LRRC4C: variants seen among roughly 807,000 people sequenced by gnomAD.
The protein encoded by LRRC4C is leucine rich repeat containing 4C.
In LRRC4C, 5 loss-of-function variants were observed where a neutral mutation model predicts 33.6. The ratio of observed to expected loss-of-function variants is 0.15; its 90% confidence interval spans 0.08 to 0.31. The LOEUF (loss-of-function observed/expected upper bound fraction) is 0.31. LRRC4C is among the 10% of genes least tolerant of loss of function. The pLI is 1.00. For missense variants in LRRC4C, 560 were observed against 796.7 expected, an observed-to-expected ratio of 0.70 and a Z score of 3.58; for synonymous variants, 329 against 302.0, an observed-to-expected ratio of 1.09 and a Z score of -0.93.
At chr11:40,154,727 A>C (rs975565105) in intron 5 of LRRC4C, among the ~76,000 whole-genome samples, 1 of 152,188 alleles carries the variant, frequency 6.6e-6, no homozygotes, top group Admixed American at 6.5e-5. Context: ...AAACCTAAGA[A>C]ATGAGATAGA....
At chr11:40,993,182 C>T (rs1243112773) in intron 1 of LRRC4C, among the ~76,000 whole-genome samples, 2 of 152,120 alleles carry the variant, frequency 1.3e-5, no homozygotes, top group Non-Finnish European at 2.9e-5. Flanking sequence ...TGTACTGCAG[C>T]ATCATCTTAA....
At chr11:40,392,470 A>C (rs973074601) in intron 3 of LRRC4C, among the ~76,000 whole-genome samples, 10 of 152,092 alleles carry the variant, frequency 6.6e-5, no homozygotes, top group Admixed American at 5.9e-4. Context: ...ATTTTCTGTA[A>C]ACTTAAAATT....
At chr11:40,659,534 C>A (rs1443011726) in intron 2 of LRRC4C, among the ~76,000 whole-genome samples, 1 of 152,132 alleles carries the variant, frequency 6.6e-6, no homozygotes, top group Non-Finnish European at 1.5e-5. Flanking sequence ...GCATGCACTT[C>A]CTCCCTTGTG....
chr11:40,979,426 T>C (rs965068513), intron 1 of LRRC4C, among the ~76,000 whole-genome samples: 10 of 152,182 alleles, frequency 6.6e-5, no homozygotes, highest in Non-Finnish European at 1.3e-4. Context: ...GACTACAAAA[T>C]TTTGGTAAAC....
intron 3 of LRRC4C, among the ~76,000 whole-genome samples, chr11:40,395,976 ACT>A (rs1054828591): frequency 1.6e-4 from 25 of 152,056 alleles, no homozygotes; most frequent in Admixed American, 1.1e-3. Context: ...ACAGAGTGAG[ACT>A]CTGTCACAAA....
At chr11:40,960,567 T>C (rs1029089276) in intron 1 of LRRC4C, among the ~76,000 whole-genome samples, 3 of 151,718 alleles carry the variant, frequency 2.0e-5, no homozygotes, top group African/African-American at 7.3e-5. Context: ...TGACTGTATC[T>C]CAGTTCTTAC....
At chr11:40,813,206 G>T (rs930959383) in intron 2 of LRRC4C, among the ~76,000 whole-genome samples, 1 of 152,120 alleles carries the variant, frequency 6.6e-6, no homozygotes, top group African/African-American at 2.4e-5. Flanking sequence ...GCCTGTATTA[G>T]TCTGTTCTCA....
At chr11:40,970,703 C>A (rs1188730065) in intron 1 of LRRC4C, among the ~76,000 whole-genome samples, 3 of 152,112 alleles carry the variant, frequency 2.0e-5, no homozygotes, top group Non-Finnish European at 2.9e-5. Context: ...CTTGAAACTA[C>A]CTAGAGCCTT....
intron 1 of LRRC4C, among the ~76,000 whole-genome samples, chr11:40,998,859 G>A (rs1376629962): frequency 6.6e-6 from 1 of 152,076 alleles, no homozygotes; most frequent in Non-Finnish European, 1.5e-5. Context: ...CTGGGGCGTT[G>A]TAATTTTCCC....
chr11:40,508,922 T>G (rs1955169601), intron 3 of LRRC4C, among the ~76,000 whole-genome samples: 1 of 151,600 alleles, frequency 6.6e-6, no homozygotes, highest in Admixed American at 6.6e-5. Flanking sequence ...ATTTTTGACC[T>G]ATCAAATTGA....
At chr11:40,405,018 C>G (rs780428001) in intron 3 of LRRC4C, among the ~76,000 whole-genome samples, 9 of 151,966 alleles carry the variant, frequency 5.9e-5, no homozygotes, top group Non-Finnish European at 1.2e-4. Context: ...AACTAGAGTC[C>G]TCATTAGATC....
chr11:41,018,098 T>C (rs1855718533), intron 1 of LRRC4C, among the ~76,000 whole-genome samples: 1 of 152,128 alleles, frequency 6.6e-6, no homozygotes, highest in Admixed American at 6.5e-5. Context: ...ATTGAAAATA[T>C]GCTAGTTATT....
chr11:40,341,584 G>T (rs1282423424), intron 3 of LRRC4C, among the ~76,000 whole-genome samples: 2 of 152,110 alleles, frequency 1.3e-5, no homozygotes, highest in Non-Finnish European at 2.9e-5. Context: ...TATACCTAAT[G>T]TTAAATGACG....
intron 5 of LRRC4C, among the ~76,000 whole-genome samples, chr11:40,218,626 G>T (rs763844): frequency 7.0e-6 from 1 of 142,584 alleles, no homozygotes; most frequent in African/African-American, 2.9e-5. Flanking sequence ...ATGTATGTAT[G>T]TATGTATGTA....
intron 3 of LRRC4C, among the ~76,000 whole-genome samples, chr11:40,527,841 C>T (rs562576286): frequency 1.1e-4 from 16 of 152,086 alleles, no homozygotes; most frequent in South Asian, 2.1e-4. Flanking sequence ...CTCCACCTCC[C>T]GGGTTCAAGC....
chr11:40,467,563 C>T (rs1201489667), intron 3 of LRRC4C, among the ~76,000 whole-genome samples: 5 of 152,112 alleles, frequency 3.3e-5, no homozygotes, highest in African/African-American at 4.8e-5. Flanking sequence ...CTATTGTATC[C>T]TCTTTTTGAG....
chr11:40,286,197 G>A (rs7121163), intron 4 of LRRC4C, among the ~76,000 whole-genome samples: 6,728 of 152,076 alleles, frequency 0.044, 194 homozygotes, highest in South Asian at 0.093. Flanking sequence ...TTTAATTTAT[G>A]CATTAGGCAC....
intron 2 of LRRC4C, among the ~76,000 whole-genome samples, chr11:40,655,818 T>C (rs1051222346): frequency 2.4e-4 from 36 of 152,228 alleles, no homozygotes; most frequent in Non-Finnish European, 8.8e-5. Flanking sequence ...AAAGGATGTT[T>C]AATTGACTCA....
intron 1 of LRRC4C, among the ~76,000 whole-genome samples, chr11:41,141,833 A>C (rs1272213008): frequency 6.6e-6 from 1 of 152,174 alleles, no homozygotes; most frequent in Non-Finnish European, 1.5e-5. Context: ...GCAGCCTGAG[A>C]ATGGACTAAT....
Sources: gnomAD v4.1 joint callset for allele counts (sites outside exome capture counted in the v4.1 genomes callset) on GRCh38, gnomAD v4.1.1 for gene constraint, MANE v1.5 for transcripts, NCBI Gene and HGNC (gene_info 2026-07-23, HGNC 2026-07-21) for gene names.